The following AK5 variants were observed in gnomAD, a reference collection of about 807,000 sequenced individuals.
The protein encoded by AK5 is adenylate kinase isoenzyme 5.
In AK5, 27 loss-of-function variants were observed where a neutral mutation model predicts 69.5. The ratio of observed to expected loss-of-function variants is 0.39; its 90% CI spans 0.29 to 0.54. AK5 has a LOEUF of 0.54. Among genes scored for constraint, AK5 ranks in the 20% least tolerant of loss-of-function variants. AK5 has a pLI of 0.71. For missense variants in AK5, 531 were observed against 700.4 expected (o/e 0.76, Z 2.73); for synonymous variants, 260 against 244.4 (o/e 1.06, Z -0.60).
chr1:77,547,355 C>T (rs1471351020), intron 13 of AK5, among the ~76,000 whole-genome samples: 2 of 141,792 alleles, frequency 1.4e-5, no homozygotes, highest in Non-Finnish European at 3.0e-5. Context: ...CTCACTGCAA[C>T]CTCCGCCTCC....
At chr1:77,441,188 C>T (rs1652305204) in intron 8 of AK5, among the ~76,000 whole-genome samples, 1 of 152,100 alleles carries the variant, frequency 6.6e-6, no homozygotes, top group Admixed American at 6.6e-5. Context: ...TCATTCATAT[C>T]ATGAATTGTT....
At chr1:77,456,197 A>C (rs937705585) in intron 8 of AK5, among the ~76,000 whole-genome samples, 4 of 152,178 alleles carry the variant, frequency 2.6e-5, no homozygotes, top group African/African-American at 9.7e-5. Flanking sequence ...GGTTTCATAG[A>C]ATTTAGAGAA....
At chr1:77,345,879 A>T (rs1661889401) in intron 6 of AK5, among the ~76,000 whole-genome samples, 1 of 152,316 alleles carries the variant, frequency 6.6e-6, no homozygotes, top group South Asian at 2.1e-4. Flanking sequence ...AAATCCATGT[A>T]TAACTTTGAG....
At chr1:77,526,843 G>T (rs1444468903) in intron 12 of AK5, among the ~76,000 whole-genome samples, 1 of 151,448 alleles carries the variant, frequency 6.6e-6, no homozygotes, top group African/African-American at 2.4e-5. Context: ...AAATGATCGA[G>T]GACAAGATGT....
intron 6 of AK5, among the ~76,000 whole-genome samples, chr1:77,341,366 C>T (rs1360778429): frequency 3.9e-5 from 6 of 152,216 alleles, no homozygotes; most frequent in Non-Finnish European, 5.9e-5. Context: ...ACCACAGCAG[C>T]TGCTTGACAG....
intron 5 of AK5, among the ~76,000 whole-genome samples, chr1:77,306,435 G>C (rs1190674971): frequency 6.7e-6 from 1 of 148,786 alleles, no homozygotes; most frequent in Non-Finnish European, 1.5e-5. Context: ...AATCTCACTT[G>C]GTTATGATGA....
intron 13 of AK5, among the ~76,000 whole-genome samples, chr1:77,547,117 A>G (rs1659578132): frequency 6.6e-6 from 1 of 152,222 alleles, no homozygotes; most frequent in Admixed American, 6.5e-5. Flanking sequence ...AAGAAATAGA[A>G]TGTGGGCCAC....
intron 10 of AK5, among the ~76,000 whole-genome samples, chr1:77,517,323 G>A (rs966300534): frequency 4.6e-5 from 7 of 152,124 alleles, no homozygotes; most frequent in South Asian, 2.1e-4. Context: ...TACGCCAGGC[G>A]GAGAAGATGA....
In AK5 at chr1:77,553,264, A is replaced by T. The variant is rs116596436; in HGVS notation, c.1621-5338A>T. On this transcript the variant is annotated intron_variant, in intron 13 of 13. Coordinates refer to ENST00000354567, the MANE Select transcript of AK5 (RefSeq NM_174858.3). ...GAAATAGACCATGCTAAGTCAGTTA[A>T]ATGCAAGGGACTGGTGGAATTCAGC... 2.7e-3 allele frequency among the ~76,000 whole-genome samples: 414 copies of T among 152,310 alleles called. 1 individual carries two copies. Among genetic ancestry groups the T allele is most frequent in the Non-Finnish European group, 4.4e-3 (302 of 68,032 alleles).
rs1471712239 is a variant in AK5 at position 77,368,260 on chromosome 1, ATG to A, written c.891+27694_891+27695del. Among the ~76,000 whole-genome samples the A allele has an allele frequency of 7.2e-4, 76 of 105,546 alleles. 1 individual carries two copies. Among genetic ancestry groups the A allele is most frequent in the African/African-American group, 2.2e-3 (66 of 30,570 alleles). 69.2% of individuals were successfully genotyped at this position (105,546 alleles called of 152,430 possible). A position where few individuals can be genotyped will look rare whatever the true frequency, so the allele number is the denominator to read the frequency against. ...ATATATATATATATATATAATATAT[ATG>A]TTATATATATGTTATATATGTTATA... is the stretch of plus-strand genomic sequence containing the variant. On this transcript the variant is annotated intron_variant, in intron 6 of 13. Transcript: ENST00000354567.
At chr1:77,393,617 T>C (rs977861063) in intron 6 of AK5, among the ~76,000 whole-genome samples, 1 of 152,188 alleles carries the variant, frequency 6.6e-6, no homozygotes, top group Non-Finnish European at 1.5e-5. Context: ...CACTTGCCAC[T>C]TCCCAGTGTG....
intron 6 of AK5, among the ~76,000 whole-genome samples, chr1:77,365,028 A>G (rs189047310): frequency 2.0e-5 from 3 of 152,074 alleles, no homozygotes; most frequent in Non-Finnish European, 2.9e-5. Flanking sequence ...CTTCACCAAC[A>G]TTTGTTGTTT....
intron 6 of AK5, among the ~76,000 whole-genome samples, chr1:77,368,455 T>G (rs72641177): frequency 6.7e-6 from 1 of 150,020 alleles, no homozygotes; most frequent in African/African-American, 2.5e-5. Flanking sequence ...TTTGTGTACA[T>G]TGAGCCATGA....
intron 8 of AK5, among the ~76,000 whole-genome samples, chr1:77,436,035 G>C (rs1202481654): frequency 6.6e-6 from 1 of 152,052 alleles, no homozygotes; most frequent in African/African-American, 2.4e-5. Flanking sequence ...GTCACCTTAG[G>C]ATAAAAATTT....
At chr1:77,517,068 CA>C (rs111239926) in intron 10 of AK5, among the ~76,000 whole-genome samples, 56,421 of 135,934 alleles carry the variant, frequency 0.42, 11,733 homozygotes, top group South Asian at 0.59. Context: ...AAGACCATCT[CA>C]AAAAAAAAAA....
At position 77,550,791 on chromosome 1, in the gene AK5, G is replaced by T. The variant is rs191364223; in HGVS notation, c.1621-7811G>T. 1.9e-3 allele frequency among the ~76,000 whole-genome samples: 283 copies of T among 152,304 alleles called. 2 individuals carry two copies. Among genetic ancestry groups the T allele is most frequent in the Middle Eastern group, 0.01 (3 of 294 alleles). On this transcript the variant is annotated intron_variant, in intron 13 of 13. Transcript: ENST00000354567. ...TCTACTTTGAGACTTAGGAAGAGTCGAGCTAACCTGTAGAATGAAAGGAGA... is the reference window on the plus strand; with the variant it reads ...TCTACTTTGAGACTTAGGAAGAGTCTAGCTAACCTGTAGAATGAAAGGAGA...
intron 12 of AK5, among the ~76,000 whole-genome samples, chr1:77,522,275 A>G (rs1041154860): frequency 3.3e-5 from 5 of 152,108 alleles, no homozygotes; most frequent in Admixed American, 6.5e-5. Flanking sequence ...GTGGCTTCAT[A>G]GAAAAGTGTT....
chr1:77,426,953 A>G (rs148445646), intron 8 of AK5, among the ~76,000 whole-genome samples: 230 of 152,294 alleles, frequency 1.5e-3, no homozygotes, highest in African/African-American at 5.3e-3. Flanking sequence ...TGAAAATTTA[A>G]CAAAATTTGT....
intron 6 of AK5, among the ~76,000 whole-genome samples, chr1:77,367,746 T>TTATATATACGTTA (rs770503060): frequency 1.6e-4 from 2 of 12,550 alleles, no homozygotes; most frequent in Non-Finnish European, 3.4e-4. Flanking sequence ...ACGTTATATG[T>TTATATATACGTTA]TATATATGTT....
Sources: allele counts gnomAD v4.1 joint callset (sites outside exome capture counted in the v4.1 genomes callset), GRCh38; gene constraint gnomAD v4.1.1; transcripts MANE v1.5; gene names NCBI Gene and HGNC (gene_info 2026-07-23, HGNC 2026-07-21).